The following SUCLG2 variants were observed in gnomAD, a reference collection of about 807,000 sequenced individuals.
The protein encoded by SUCLG2 is succinate--CoA ligase [GDP-forming] subunit beta, mitochondrial.
A neutral mutation model predicts 47.9 loss-of-function variants in SUCLG2; 42 were observed. The ratio of observed to expected loss-of-function variants is 0.88; its 90% CI spans 0.69 to 1.14. The LOEUF is 1.14. SUCLG2 is among the 50% of genes most tolerant of loss of function. The probability of loss-of-function intolerance (pLI) is 0.00; values close to 1 mark genes in which losing one functional copy is unlikely to be tolerated. For synonymous variants in SUCLG2, 195 were observed against 197.3 expected (o/e 0.99, Z 0.10); for missense variants, 571 against 525.9 (o/e 1.09, Z -0.84).
At chr3:67,542,942 T>C (rs547696866) in intron 2 of SUCLG2, among the ~76,000 whole-genome samples, 1 of 152,294 alleles carries the variant, frequency 6.6e-6, no homozygotes, top group East Asian at 1.9e-4. Flanking sequence ...TATTCAGGAC[T>C]TGAACTCAGC....
intron 2 of SUCLG2, among the ~76,000 whole-genome samples, chr3:67,541,922 G>T (rs1274283237): frequency 5.9e-5 from 9 of 151,486 alleles, no homozygotes; most frequent in Admixed American, 5.9e-4. Flanking sequence ...AGGCTGGAGT[G>T]CAATGGTACA....
intron 2 of SUCLG2, among the ~76,000 whole-genome samples, chr3:67,567,604 A>T (rs996158084): frequency 3.9e-5 from 6 of 152,340 alleles, no homozygotes; most frequent in Non-Finnish European, 7.3e-5. Context: ...TTAAAGACTA[A>T]AGGAAAATGG....
intron 10 of SUCLG2, among the ~76,000 whole-genome samples, chr3:67,397,864 C>T (rs533561312): frequency 5.9e-5 from 9 of 151,900 alleles, no homozygotes; most frequent in South Asian, 4.2e-4. Context: ...GAAATAACAC[C>T]GCATATCTAC....
rs1377706629 is a variant in SUCLG2, at chr3:67,631,904, TG to T, written c.85-22309del. ...TTAGATACAAAGCCCAAGGACACAA[TG>T]ACCCTCGATCTAAAACTGGGGCCAC... On this transcript the variant is annotated intron_variant, in intron 1 of 10. Transcript: ENST00000307227. Among the ~76,000 whole-genome samples the T allele has an allele frequency of 1.4e-3, 215 of 152,354 alleles. 3 individuals carry two copies. The highest frequency in any genetic ancestry group is 5.0e-3 in the African/African-American group (209 of 41,584).
chr3:67,480,261 A>G (rs954417564), intron 9 of SUCLG2, among the ~76,000 whole-genome samples: 14 of 152,342 alleles, frequency 9.2e-5, no homozygotes, highest in African/African-American at 3.1e-4. Flanking sequence ...GAAGGATGCT[A>G]AAGTAACTCA....
intron 9 of SUCLG2, among the ~76,000 whole-genome samples, chr3:67,462,013 T>C (rs1443605319): frequency 6.6e-6 from 1 of 152,136 alleles, no homozygotes; most frequent in African/African-American, 2.4e-5. Context: ...GAATTTAGTT[T>C]GCAGGAAATG....
rs1049740724 is a variant in SUCLG2 at position 67,375,815 on chromosome 3, G to T, written c.1228C>A (p.Leu410Ile). 1.2e-6 allele frequency: 2 copies of T among 1,613,970 alleles called. No individual in the cohort carries two copies. The highest frequency in any genetic ancestry group is 1.7e-6 in the Non-Finnish European group (2 of 1,179,918). ...EAQKILNNSG[L>I]PITSAIDLED... Reference sequence around the variant, plus strand: ...AGGTCAATGGCTGAAGTAATGGGGAGTCCGCTGTTGTTGAGTATCTTCTGG... The same window carrying T: ...AGGTCAATGGCTGAAGTAATGGGGATTCCGCTGTTGTTGAGTATCTTCTGG... The change falls in exon 11 of 11, where the codon CTC (leucine) becomes ATC (isoleucine). Residue 410 changes from leucine to isoleucine, a missense_variant. Leu to Ile is a conservative substitution (Grantham distance 5). Coordinates refer to ENST00000307227, the MANE Select transcript of SUCLG2 (RefSeq NM_003848.4).
intron 10 of SUCLG2, among the ~76,000 whole-genome samples, chr3:67,381,204 A>AAAT (rs1491537699): frequency 9.3e-5 from 3 of 32,142 alleles, no homozygotes; most frequent in African/African-American, 4.0e-4. Context: ...ATAAATAAAT[A>AAAT]AAATAAAATA....
chr3:67,552,868 C>T (rs1466226059), intron 2 of SUCLG2, among the ~76,000 whole-genome samples: 4 of 152,166 alleles, frequency 2.6e-5, no homozygotes, highest in Non-Finnish European at 5.9e-5. Flanking sequence ...CATTTGTAAG[C>T]TATTTCAGCA....
chr3:67,478,445 C>T (rs1020159015), intron 9 of SUCLG2, among the ~76,000 whole-genome samples: 5 of 152,202 alleles, frequency 3.3e-5, no homozygotes, highest in African/African-American at 1.2e-4. Flanking sequence ...TCTCAATCAA[C>T]ATATATAATG....
At chr3:67,386,085 C>A (rs938280305) in intron 10 of SUCLG2, among the ~76,000 whole-genome samples, 1 of 151,986 alleles carries the variant, frequency 6.6e-6, no homozygotes, top group African/African-American at 2.4e-5. Context: ...CAGTAACAGA[C>A]ACTTTATTTA....
intron 10 of SUCLG2, among the ~76,000 whole-genome samples, chr3:67,399,851 C>G (rs557682174): frequency 6.6e-6 from 1 of 152,190 alleles, no homozygotes; most frequent in East Asian, 1.9e-4. Flanking sequence ...TAGTGTAGTA[C>G]CAAAGAATAT....
intron 9 of SUCLG2, among the ~76,000 whole-genome samples, chr3:67,492,781 C>T (rs1293519989): frequency 2.6e-5 from 4 of 152,052 alleles, no homozygotes; most frequent in Non-Finnish European, 4.4e-5. Flanking sequence ...TAATAAGAAA[C>T]GTATTAGTTG....
chr3:67,514,278 T>G, intron 6 of SUCLG2: 2 of 429,358 alleles, frequency 4.7e-6, no homozygotes, highest in Non-Finnish European at 4.7e-6. Flanking sequence ...AAGAAAAACT[T>G]ATCCAGGAAG....
intron 2 of SUCLG2, among the ~76,000 whole-genome samples, chr3:67,591,025 A>G (rs757059001): frequency 2.0e-5 from 3 of 152,220 alleles, no homozygotes; most frequent in Admixed American, 6.5e-5. Context: ...TATTTAGTCT[A>G]TTGAATACTG....
chr3:67,386,395 C>T (rs1702260748), intron 10 of SUCLG2, among the ~76,000 whole-genome samples: 1 of 152,046 alleles, frequency 6.6e-6, no homozygotes, highest in South Asian at 2.1e-4. Flanking sequence ...TACACTTCAT[C>T]AACAAACTCA....
chr3:67,627,847 C>T (rs1017600628), intron 1 of SUCLG2, among the ~76,000 whole-genome samples: 4 of 152,162 alleles, frequency 2.6e-5, no homozygotes, highest in African/African-American at 7.2e-5. Flanking sequence ...GCAGCCTTTC[C>T]GAAAACTCTA....
At chr3:67,572,834 A>G (rs899400766) in intron 2 of SUCLG2, among the ~76,000 whole-genome samples, 3 of 145,158 alleles carry the variant, frequency 2.1e-5, no homozygotes, top group Admixed American at 6.7e-5. Context: ...GCAAGGAAGG[A>G]AAAAAAAAGG....
intron 1 of SUCLG2, among the ~76,000 whole-genome samples, chr3:67,648,668 A>G (rs767936729): frequency 2.6e-5 from 4 of 152,170 alleles, no homozygotes; most frequent in Non-Finnish European, 5.9e-5. Flanking sequence ...AGATTACTTC[A>G]CGCAGCCTTG....
Sources: gnomAD v4.1 joint callset for allele counts (sites outside exome capture counted in the v4.1 genomes callset) on GRCh38, gnomAD v4.1.1 for gene constraint, MANE v1.5 for transcripts, NCBI Gene and HGNC (gene_info 2026-07-23, HGNC 2026-07-21) for gene names.